The following SEMA3A variants were observed in gnomAD, a reference collection of about 807,000 sequenced individuals.
SEMA3A encodes the protein semaphorin-3A.
In SEMA3A, 29 loss-of-function variants were observed where a neutral mutation model predicts 97.9. The ratio of observed to expected loss-of-function variants is 0.30; its 90% CI spans 0.22 to 0.40. SEMA3A has a LOEUF of 0.40. Among genes scored for constraint, SEMA3A ranks in the 10% least tolerant of loss-of-function variants. The probability of loss-of-function intolerance (pLI) is 1.00; values close to 1 mark genes in which losing one functional copy is unlikely to be tolerated. For synonymous variants in SEMA3A, 321 were observed against 323.7 expected (o/e 0.99, Z 0.09); for missense variants, 763 against 951.3 (o/e 0.80, Z 2.60).
intron 2 of SEMA3A, among the ~76,000 whole-genome samples, chr7:84,133,979 G>A (rs1041709457): frequency 4.0e-5 from 6 of 151,608 alleles, no homozygotes; most frequent in Admixed American, 1.3e-4. Flanking sequence ...GGAGAATGGC[G>A]TGAACCTGGG....
chr7:84,056,630 C>A (rs796247501), intron 5 of SEMA3A, among the ~76,000 whole-genome samples: 1 of 151,804 alleles, frequency 6.6e-6, no homozygotes, highest in Non-Finnish European at 1.5e-5. Flanking sequence ...GAAACACACA[C>A]ACACACACAT....
chr7:84,412,097 C>G (rs1328508941), intron 1 of SEMA3A, among the ~76,000 whole-genome samples: 3 of 152,122 alleles, frequency 2.0e-5, no homozygotes, highest in African/African-American at 7.2e-5. Context: ...TATGACAGCT[C>G]AAAATGAATG....
intron 6 of SEMA3A, among the ~76,000 whole-genome samples, chr7:84,040,872 G>A (rs190620235): frequency 2.0e-4 from 30 of 152,130 alleles, no homozygotes; most frequent in South Asian, 1.9e-3. Context: ...CCAATATATT[G>A]TCTCATTTTT....
At position 83,961,735 on chromosome 7, in the gene SEMA3A, G is replaced by T. The variant is rs150205475; in HGVS notation, c.1952C>A (p.Ala651Glu). The change falls in exon 17 of 17, where the codon GCG (alanine) becomes GAG (glutamate). Residue 651 changes from alanine (A) to glutamate (E), a missense_variant. By Grantham distance (107) the Ala-to-Glu change is moderately radical (BLOSUM62 -1). This residue lies in a region of SEMA3A where 678 missense variants were observed against 881.3 expected (regional missense o/e 0.77). Coordinates refer to ENST00000265362, the MANE Select transcript of SEMA3A (RefSeq NM_006080.3). ...AGTTTGTATGAACCCATGTTCCACC[G>T]CATGGCAGAGGTAATTGCCTGAATC... ...QKDSGNYLCH[A>E]VEHGFIQTLL... 1.2e-6 allele frequency: 2 copies of T among 1,613,718 alleles called. No homozygotes were observed. The highest frequency in any genetic ancestry group is 1.7e-6 in the Non-Finnish European group (2 of 1,179,778).
chr7:83,980,508 G>A (rs1410228952), intron 14 of SEMA3A, among the ~76,000 whole-genome samples: 3 of 148,676 alleles, frequency 2.0e-5, no homozygotes, highest in Admixed American at 6.8e-5. Context: ...GGGAGGGTGA[G>A]ACAGGAGAAT....
At chr7:84,317,294 C>T (rs1274105188) in intron 2 of SEMA3A, among the ~76,000 whole-genome samples, 6 of 152,136 alleles carry the variant, frequency 3.9e-5, no homozygotes, top group African/African-American at 1.4e-4. Context: ...CTGTTTCACT[C>T]TCTGATTTTC....
At chr7:83,995,971 A>C (rs189986231) in intron 12 of SEMA3A, among the ~76,000 whole-genome samples, 84 of 152,308 alleles carry the variant, frequency 5.5e-4, no homozygotes, top group African/African-American at 1.8e-3. Context: ...CTGTTCATGG[A>C]ATACTGCATA....
At chr7:84,171,872 T>C (rs537337505) in intron 1 of SEMA3A, among the ~76,000 whole-genome samples, 3 of 152,198 alleles carry the variant, frequency 2.0e-5, no homozygotes, top group Non-Finnish European at 4.4e-5. Flanking sequence ...GTCTTTTGCA[T>C]TTGCTGTGTC....
At chr7:84,079,899 C>A (rs1036948404) in intron 4 of SEMA3A, among the ~76,000 whole-genome samples, 4 of 147,510 alleles carry the variant, frequency 2.7e-5, no homozygotes. Context: ...AAGACACTTG[C>A]GCACGTATGT....
At chr7:84,093,194 A>C (rs2115861036) in intron 4 of SEMA3A, among the ~76,000 whole-genome samples, 1 of 152,298 alleles carries the variant, frequency 6.6e-6, no homozygotes, top group South Asian at 2.1e-4. Flanking sequence ...ATAAACACAA[A>C]AATAACTAAC....
chr7:84,277,861 G>A (rs542033074), intron 3 of SEMA3A, among the ~76,000 whole-genome samples: 1 of 152,212 alleles, frequency 6.6e-6, no homozygotes, highest in South Asian at 2.1e-4. Context: ...TGTCTTGGAT[G>A]TTAGTATTTG....
intron 3 of SEMA3A, among the ~76,000 whole-genome samples, chr7:84,208,113 A>AGC (rs1415663028): frequency 9.9e-5 from 15 of 152,244 alleles, no homozygotes; most frequent in Admixed American, 9.8e-4. Flanking sequence ...TATAATTCAA[A>AGC]GTAGTTATTA....
chr7:84,281,925 C>A (rs543027547), intron 3 of SEMA3A, among the ~76,000 whole-genome samples: 1 of 152,206 alleles, frequency 6.6e-6, no homozygotes, highest in Admixed American at 6.6e-5. Flanking sequence ...GAGATGTTTT[C>A]TTTTTCTTCT....
rs992279557 is a variant in SEMA3A, at chr7:84,232,055, CAT to C, written c.-82-37389_-82-37388del. On this transcript the variant is annotated intron_variant, in intron 3 of 3. Coordinates refer to the SEMA3A transcript ENST00000424555. Reference sequence around the variant, plus strand: ...GTATATGTATGCATGTGTGTGTGTTCATATATATATATACACACACATACATA... The same window carrying C: ...GTATATGTATGCATGTGTGTGTGTTCATATATATATACACACACATACATA... Among the ~76,000 whole-genome samples the C allele has an allele frequency of 1.3e-4, 20 of 149,170 alleles. 1 individual carries two copies. The South Asian group carries it at 1.5e-3, about 11-fold the overall frequency.
chr7:84,135,825 G>C (rs939243828), intron 1 of SEMA3A, among the ~76,000 whole-genome samples: 1 of 151,966 alleles, frequency 6.6e-6, no homozygotes, highest in African/African-American at 2.4e-5. Context: ...CTGAGATGAG[G>C]CTTTCATGAA....
At chr7:84,088,193 T>C (rs932600272) in intron 4 of SEMA3A, among the ~76,000 whole-genome samples, 6 of 152,124 alleles carry the variant, frequency 3.9e-5, no homozygotes, top group Non-Finnish European at 8.8e-5. Flanking sequence ...CAGTGGCTCA[T>C]GCCTATAATC....
At chr7:84,235,781 G>T (rs1013152083) in intron 3 of SEMA3A, among the ~76,000 whole-genome samples, 1 of 151,858 alleles carries the variant, frequency 6.6e-6, no homozygotes, top group Non-Finnish European at 1.5e-5. Context: ...CTCTAACATG[G>T]TCGAGTATAC....
chr7:84,412,158 A>T (rs1478425340), intron 1 of SEMA3A, among the ~76,000 whole-genome samples: 1 of 152,116 alleles, frequency 6.6e-6, no homozygotes, highest in Non-Finnish European at 1.5e-5. Flanking sequence ...CTATTGATGA[A>T]AGGTTGGCAG....
intron 3 of SEMA3A, among the ~76,000 whole-genome samples, chr7:84,116,999 T>C (rs938354740): frequency 5.3e-5 from 8 of 152,200 alleles, no homozygotes; most frequent in Non-Finnish European, 8.8e-5. Flanking sequence ...AGAACATACA[T>C]GGTAACAGAA....
Sources: gnomAD v4.1 joint callset for allele counts (sites outside exome capture counted in the v4.1 genomes callset) on GRCh38, gnomAD v4.1.1 for gene constraint, gnomAD v4.1.1 regional missense constraint, MANE v1.5 for transcripts, NCBI Gene and HGNC (gene_info 2026-07-23, HGNC 2026-07-21) for gene names.